Variants in ENPEP observed in about 807,000 individuals in gnomAD.
The protein encoded by ENPEP is glutamyl aminopeptidase.
In ENPEP, 103 loss-of-function variants were observed where a neutral mutation model predicts 114.5. The ratio of observed to expected loss-of-function variants is 0.90; its 90% confidence interval spans 0.77 to 1.06. ENPEP has a LOEUF of 1.06. ENPEP is among the 50% of genes least tolerant of loss of function. ENPEP has a pLI of 0.00. For missense variants in ENPEP, 1,196 were observed against 1,161.3 expected (o/e 1.03, Z -0.43); for synonymous variants, 420 against 422.0 (o/e 1.00, Z 0.06).
chr4:110,478,849 T>C (rs1251258022), intron 1 of ENPEP, among the ~76,000 whole-genome samples: 2 of 152,240 alleles, frequency 1.3e-5, no homozygotes, highest in African/African-American at 4.8e-5. Context: ...TTTATTATTA[T>C]AAACAAATCA....
chr4:110,506,748 C>T lies in ENPEP; in HGVS notation c.1030C>T (p.Pro344Ser), dbSNP rs1725388024. Residue 344 changes from proline (P) to serine (S), a missense_variant, in exon 4 of 20, where the codon CCT becomes TCT. Physicochemically the swap from Pro to Ser is moderately conservative, Grantham distance 74 (BLOSUM62 -1). Coordinates refer to ENST00000265162, the MANE Select transcript of ENPEP (RefSeq NM_001977.4). ...ATACTTTGCTATGAATTATTCTCTTCCTAAATTAGGTGAGGATCATTTTTT... is the reference window on the plus strand; with the variant it reads ...ATACTTTGCTATGAATTATTCTCTTTCTAAATTAGGTGAGGATCATTTTTT... ...EEYFAMNYSL[P>S]KLDKIAIPDF... 1.3e-6 allele frequency: 2 copies of T among 1,569,308 alleles called. No individual in the cohort carries two copies. Among genetic ancestry groups the T allele is most frequent in the African/African-American group, 1.4e-5 (1 of 73,528 alleles).
At chr4:110,520,510 A>G (rs1002344616) in intron 10 of ENPEP, 144 bp downstream of exon 10, 2 of 830,880 alleles carry the variant, frequency 2.4e-6, no homozygotes, top group African/African-American at 1.7e-5. Flanking sequence ...AAGGAATTCA[A>G]AAATAGCCAA....
intron 9 of ENPEP, 61 bp downstream of exon 9, chr4:110,520,134 C>T (rs1222599075): frequency 6.3e-7 from 1 of 1,594,342 alleles, no homozygotes; most frequent in African/African-American, 1.3e-5. Flanking sequence ...GCTTACCAAT[C>T]ATTTTCTAAT....
At chr4:110,520,894 A>T (rs1021635984) in intron 10 of ENPEP, among the ~76,000 whole-genome samples, 1 of 152,130 alleles carries the variant, frequency 6.6e-6, no homozygotes, top group Non-Finnish European at 1.5e-5. Context: ...TCTCTCCGCC[A>T]CCTACCATTT....
Position 110,515,434 on chromosome 4 carries a change from G to A in ENPEP, c.1501G>A (p.Gly501Arg). 6.3e-7 allele frequency: 1 copy of A among 1,590,932 alleles called. No homozygotes were observed. The highest frequency in any genetic ancestry group is 8.5e-7 in the Non-Finnish European group (1 of 1,173,732). Reference sequence around the variant, plus strand: ...GATAAAACCAGAGAATTTTCAAAAAGGATGTCAGGTATGATTTATTACTTT... The same window carrying A: ...GATAAAACCAGAGAATTTTCAAAAAAGATGTCAGGTATGATTTATTACTTT... The part of the protein sequence containing the change: ...DWIKPENFQK[G>R]CQMYLEKYQF... Residue 501 changes from glycine to arginine, a missense_variant, in exon 8 of 20, where the codon GGA (glycine) becomes AGA (arginine). Transcript: ENST00000265162.
At position 110,503,053 on chromosome 4, in the gene ENPEP, G is replaced by A. The variant is rs577416886; in HGVS notation, c.919-3584G>A. ...ATATCTCCTAATGCTATCCCTCCCC[G>A]CTCCCCCCACCCCACGACAGGCCCT... On this transcript the variant is annotated intron_variant, in intron 3 of 19. Transcript: ENST00000265162. Among the ~76,000 whole-genome samples the A allele has an allele frequency of 5.3e-5, 8 of 151,688 alleles. No homozygotes were observed. The South Asian group carries it at 8.4e-4, about 16-fold the overall frequency.
chr4:110,556,554 A>T (rs974501065), intron 18 of ENPEP, among the ~76,000 whole-genome samples: 2 of 151,924 alleles, frequency 1.3e-5, no homozygotes, highest in Non-Finnish European at 2.9e-5. Flanking sequence ...AACTATACGT[A>T]GTGTATTGAT....
chr4:110,501,548 T>C (rs2110346347), intron 3 of ENPEP, among the ~76,000 whole-genome samples: 1 of 152,340 alleles, frequency 6.6e-6, no homozygotes, highest in Admixed American at 6.5e-5. Flanking sequence ...GGTTCTCTGC[T>C]GCTATGCTAG....
intron 3 of ENPEP, among the ~76,000 whole-genome samples, chr4:110,504,061 G>A (rs1471701309): frequency 6.6e-6 from 1 of 152,166 alleles, no homozygotes; most frequent in Non-Finnish European, 1.5e-5. Flanking sequence ...CCACAGCCTT[G>A]GAGCAAGCTC....
rs780873714 is a variant in ENPEP at position 110,488,655 on chromosome 4, C to T, written c.759C>T (p.Tyr253=). Residue 253 remains tyrosine (Y), a synonymous_variant, in exon 2 of 20, where the codon TAC becomes TAT. Transcript: ENST00000265162. ...YTISITHPKE[Y]GALSNMPVAK... Reference sequence around the variant, plus strand: ...TATCTATCACCCATCCCAAAGAATACGGAGCACTTTCAAATATGCCAGTGG... The same window carrying T: ...TATCTATCACCCATCCCAAAGAATATGGAGCACTTTCAAATATGCCAGTGG... The T allele has an allele frequency of 4.0e-5, 65 of 1,612,232 alleles. No homozygotes were observed. Among genetic ancestry groups the T allele is most frequent in the South Asian group, 1.4e-4 (13 of 90,612 alleles).
intron 18 of ENPEP, 158 bp downstream of exon 18, chr4:110,553,613 T>C: frequency 1.6e-6 from 1 of 620,254 alleles, no homozygotes; most frequent in Non-Finnish European, 2.4e-6. Flanking sequence ...AGGGAAGCAA[T>C]GTACTAGTTA....
intron 10 of ENPEP, among the ~76,000 whole-genome samples, chr4:110,529,573 G>A (rs895094788): frequency 3.3e-5 from 5 of 152,158 alleles, no homozygotes; most frequent in Non-Finnish European, 7.3e-5. Flanking sequence ...AGCCAGTGCA[G>A]ATCATACTTC....
intron 2 of ENPEP, among the ~76,000 whole-genome samples, chr4:110,490,599 C>G (rs759029912): frequency 3.9e-5 from 6 of 152,156 alleles, no homozygotes; most frequent in African/African-American, 1.4e-4. Flanking sequence ...ATGTAGACAA[C>G]CAAAGACGGA....
chr4:110,495,896 T>C (rs576602143), intron 3 of ENPEP, among the ~76,000 whole-genome samples: 11 of 152,334 alleles, frequency 7.2e-5, no homozygotes, highest in African/African-American at 2.6e-4. Flanking sequence ...ATTTCAACTC[T>C]AGTCAAGTTT....
chr4:110,555,332 A>G (rs921880057), intron 18 of ENPEP, among the ~76,000 whole-genome samples: 1 of 152,076 alleles, frequency 6.6e-6, no homozygotes, highest in African/African-American at 2.4e-5. Flanking sequence ...TTAAACAAAA[A>G]TGAGCCAAAC....
At chr4:110,560,798 A>G (rs2110405994) in intron 19 of ENPEP, among the ~76,000 whole-genome samples, 1 of 152,354 alleles carries the variant, frequency 6.6e-6, no homozygotes, top group Middle Eastern at 3.4e-3. Context: ...AATGTTGAAC[A>G]GGTAGAGATT....
At chr4:110,553,599 T>TTTACC in intron 18 of ENPEP, 144 bp downstream of exon 18, 1 of 770,514 alleles carries the variant, frequency 1.3e-6, no homozygotes, top group Non-Finnish European at 1.9e-6. Flanking sequence ...GGTATTATCC[T>TTTACC]TCCAGGGAAG....
chr4:110,488,769 A>G (rs3796891), intron 2 of ENPEP, 87 bp downstream of exon 2: 435,438 of 1,486,750 alleles, frequency 0.29, 66,545 homozygotes, highest in Admixed American at 0.31. Context: ...AAGAGAACCC[A>G]TTGAATTCTA....
At chr4:110,506,039 A>G (rs1339462385) in intron 3 of ENPEP, 1 of 152,218 alleles carries the variant, frequency 6.6e-6, no homozygotes, top group Non-Finnish European at 1.5e-5. Flanking sequence ...GAAAGTTTGG[A>G]TCATTATATT....
Sources: gnomAD v4.1 joint callset for allele counts (sites outside exome capture counted in the v4.1 genomes callset) on GRCh38, gnomAD v4.1.1 for gene constraint, MANE v1.5 for transcripts, NCBI Gene and HGNC (gene_info 2026-07-23, HGNC 2026-07-21) for gene names.